The following PRTG variants were observed in gnomAD, a reference collection of about 807,000 sequenced individuals.
The protein encoded by PRTG is immunoglobulin superfamily, DCC subclass, member 5.
Under a neutral mutation model 122.5 loss-of-function variants are expected in PRTG, and 67 were observed. The ratio of observed to expected loss-of-function variants is 0.55; its 90% CI spans 0.45 to 0.67. The LOEUF (loss-of-function observed/expected upper bound fraction) is 0.67. Ranked by LOEUF, PRTG falls within the 30% of genes least tolerant of loss-of-function variation. The pLI is 0.00. For missense variants in PRTG, 1,435 were observed against 1,415.4 expected (o/e 1.01, Z -0.22); for synonymous variants, 554 against 501.1 (o/e 1.11, Z -1.41).
At chr15:55,705,200 T>C (rs1261126838) in intron 2 of PRTG, among the ~76,000 whole-genome samples, 2 of 152,122 alleles carry the variant, frequency 1.3e-5, no homozygotes, top group African/African-American at 2.4e-5. Context: ...AGACAAAACA[T>C]CCACTCAAGG....
At chr15:55,621,539 G>C (rs999825133) in intron 18 of PRTG, among the ~76,000 whole-genome samples, 2 of 151,732 alleles carry the variant, frequency 1.3e-5, no homozygotes, top group African/African-American at 4.8e-5. Context: ...TGCGCTTCTA[G>C]TTCCAGCTGC....
intron 2 of PRTG, among the ~76,000 whole-genome samples, chr15:55,730,222 C>G (rs766036269): frequency 1.3e-5 from 2 of 152,088 alleles, no homozygotes; most frequent in Non-Finnish European, 2.9e-5. Context: ...CTGCCTCAGC[C>G]TCCTGAGTAG....
At chr15:55,681,313 T>C (rs1245777668) in intron 4 of PRTG, 1 of 152,044 alleles carries the variant, frequency 6.6e-6, no homozygotes, top group Non-Finnish European at 1.5e-5. Context: ...TCTTCTTTTT[T>C]CAGCCTTAAA....
chr15:55,662,416 T>C (rs552109591), intron 11 of PRTG, among the ~76,000 whole-genome samples: 26 of 152,344 alleles, frequency 1.7e-4, no homozygotes, highest in South Asian at 2.1e-4. Context: ...TTTTCAAATA[T>C]TGAAGAAAGC....
intron 11 of PRTG, among the ~76,000 whole-genome samples, chr15:55,651,469 TAGGA>T (rs2059352730): frequency 6.6e-6 from 1 of 152,140 alleles, no homozygotes; most frequent in East Asian, 1.9e-4. Flanking sequence ...GCTCGCTGAG[TAGGA>T]AGCTTCTATA....
chr15:55,640,981 G>C, intron 12 of PRTG, 132 bp downstream of exon 12: 1 of 626,112 alleles, frequency 1.6e-6, no homozygotes, highest in South Asian at 2.2e-5. Context: ...AAAAAACTAC[G>C]CTATACAGCA....
At chr15:55,723,703 A>G (rs2030915071) in intron 2 of PRTG, among the ~76,000 whole-genome samples, 1 of 151,688 alleles carries the variant, frequency 6.6e-6, no homozygotes. Flanking sequence ...GATTCATCAC[A>G]TATTTATTCT....
chr15:55,638,603 C>T lies in PRTG; in HGVS notation c.2398G>A (p.Asp800Asn), dbSNP rs369525385. The T allele has an allele frequency of 1.2e-6, 2 of 1,613,352 alleles. No individual in the cohort carries two copies. Among genetic ancestry groups the T allele is most frequent in the African/African-American group, 1.3e-5 (1 of 74,884 alleles). The part of the protein sequence containing the change: ...KYEFAVRLHV[D>N]QLSSPWSPVV... ...GGGCTCCAAGGACTGGAAAGCTGATCCACATGTAATCGAACGGCAAATTCG... is the reference window on the plus strand; with the variant it reads ...GGGCTCCAAGGACTGGAAAGCTGATTCACATGTAATCGAACGGCAAATTCG... The change falls in exon 14 of 20, where the codon GAT becomes AAT. Residue 800 changes from aspartate to asparagine, a missense_variant. Physicochemically the swap from Asp to Asn is conservative, Grantham distance 23. Transcript: ENST00000389286.
Position 55,619,879 on chromosome 15 carries a change from T to G in PRTG, c.*133A>C. The G allele has an allele frequency of 6.8e-7, 1 of 1,461,136 alleles. No homozygotes were observed. Among genetic ancestry groups the G allele is most frequent in the East Asian group, 2.3e-5 (1 of 43,540 alleles). 90.5% of individuals were successfully genotyped at this position (1,461,136 alleles called of 1,614,324 possible). On this transcript the variant is annotated 3_prime_UTR_variant, in exon 20 of 20. Transcript: ENST00000389286. ...TGGCCGTCTAGATTGGAAAATCATT[T>G]TTATCAAAGCATAGCATGGCAGATG...
chr15:55,620,756 G>A lies in PRTG; in HGVS notation c.3105C>T (p.Asp1035=), dbSNP rs755379665. The part of the protein sequence containing the change: ...NSFIDAKGGT[D]LIINSYGPII... ...TAGGACCATAGCTATTAATTATCAG[G>A]TCAGTTCCTCCCTGAGGAAATAAAA... is the stretch of plus-strand genomic sequence containing the variant. The change falls in exon 19 of 20, where the codon GAC becomes GAT. Residue 1035 remains aspartate (D), a synonymous_variant. Coordinates refer to ENST00000389286, the MANE Select transcript of PRTG (RefSeq NM_173814.6). 50 of 1,589,828 alleles carry A rather than the reference G, an allele frequency of 3.1e-5. No individual in the cohort carries two copies. The highest frequency in any genetic ancestry group is 4.0e-5 in the Non-Finnish European group (47 of 1,173,720).
intron 2 of PRTG, among the ~76,000 whole-genome samples, chr15:55,732,893 A>T (rs1184078553): frequency 5.9e-5 from 9 of 152,296 alleles, no homozygotes; most frequent in East Asian, 5.8e-4. Context: ...AACACATTTT[A>T]AAAAAATATA....
intron 11 of PRTG, among the ~76,000 whole-genome samples, chr15:55,642,207 T>G (rs60604532): frequency 0.045 from 6,592 of 147,134 alleles, 514 homozygotes; most frequent in African/African-American, 0.16. Flanking sequence ...AAAAAAATAG[T>G]TATACATTTC....
intron 2 of PRTG, among the ~76,000 whole-genome samples, chr15:55,710,831 A>G (rs2030352494): frequency 6.6e-6 from 1 of 152,152 alleles, no homozygotes; most frequent in Non-Finnish European, 1.5e-5. Flanking sequence ...TAAAAGGAAA[A>G]GTGAAATCTT....
At chr15:55,689,877 G>C (rs956071540) in intron 2 of PRTG, among the ~76,000 whole-genome samples, 2 of 151,014 alleles carry the variant, frequency 1.3e-5, no homozygotes, top group Non-Finnish European at 2.9e-5. Context: ...GCAGTGAGCC[G>C]AGATTGCACC....
At chr15:55,720,624 G>C (rs548320230) in intron 2 of PRTG, among the ~76,000 whole-genome samples, 59 of 151,964 alleles carry the variant, frequency 3.9e-4, no homozygotes, top group Non-Finnish European at 8.1e-4. Context: ...GTTGATTCTG[G>C]GCCCCCATGC....
intron 2 of PRTG, among the ~76,000 whole-genome samples, chr15:55,732,477 G>A (rs1379149788): frequency 2.0e-5 from 3 of 147,334 alleles, no homozygotes; most frequent in East Asian, 2.0e-4. Context: ...GAGCAACTGC[G>A]CCTGGCCAGG....
chr15:55,732,095 A>T (rs1160637161), intron 2 of PRTG, among the ~76,000 whole-genome samples: 1 of 152,248 alleles, frequency 6.6e-6, no homozygotes, highest in African/African-American at 2.4e-5. Context: ...GCACTGTAAA[A>T]ATATGGTATT....
intron 9 of PRTG, among the ~76,000 whole-genome samples, chr15:55,674,676 T>C (rs1416638551): frequency 6.6e-6 from 1 of 152,168 alleles, no homozygotes; most frequent in East Asian, 1.9e-4. Flanking sequence ...AAAGATATAA[T>C]AAGAGATCTG....
Position 55,677,988 on chromosome 15 carries a change from G to C in PRTG, c.1190C>G (p.Ala397Gly). The C allele has an allele frequency of 6.2e-7, 1 of 1,607,062 alleles. No individual in the cohort carries two copies. The highest frequency in any genetic ancestry group is 1.3e-5 in the African/African-American group (1 of 74,838). ...PEDDAIYQCM[A>G]ENSQGSILSR... ...TAAAATAGATCCTTGGCTATTCTCAGCCATGCACTGATAAATAGCATCATC... is the reference window on the plus strand; with the variant it reads ...TAAAATAGATCCTTGGCTATTCTCACCCATGCACTGATAAATAGCATCATC... Residue 397 changes from alanine to glycine, a missense_variant, in exon 8 of 20, where the codon GCT becomes GGT. Transcript: ENST00000389286.
Sources: allele counts gnomAD v4.1 joint callset (sites outside exome capture counted in the v4.1 genomes callset), GRCh38; gene constraint gnomAD v4.1.1; transcripts MANE v1.5; gene names NCBI Gene and HGNC (gene_info 2026-07-23, HGNC 2026-07-21).